The following ANKRD52 variants were observed in gnomAD, a reference collection of about 807,000 sequenced individuals.
ANKRD52 encodes serine/threonine-protein phosphatase 6 regulatory ankyrin repeat subunit C.
Under a neutral mutation model 116.0 loss-of-function variants are expected in ANKRD52, and 7 were observed. That is an observed-to-expected ratio of 0.06 (90% CI 0.03 to 0.11). The LOEUF is 0.11. Among genes scored for constraint, ANKRD52 ranks in the 10% least tolerant of loss-of-function variants. The pLI is 1.00. For synonymous variants in ANKRD52, 528 were observed against 578.1 expected (o/e 0.91, Z 1.24); for missense variants, 839 against 1,408.6 (o/e 0.60, Z 6.47).
In ANKRD52 at chr12:56,252,185, T is replaced by C. The variant is rs1354366889; in HGVS notation, c.1501A>G (p.Thr501Ala). The C allele has an allele frequency of 3.1e-6, 5 of 1,613,944 alleles. No individual in the cohort carries two copies. The South Asian group carries it at 3.3e-5, about 11-fold the overall frequency. Residue 501 changes from threonine to alanine, a missense_variant, in exon 14 of 28, where the codon ACT (threonine) becomes GCT (alanine). Coordinates refer to ENST00000267116, the MANE Select transcript of ANKRD52 (RefSeq NM_173595.4). This position sits in a 1 kb window ranked among gnomAD's most constrained non-coding sequence, Gnocchi z 4.7. ...GACTGGTAGCCTCACCTCCTGTAAG[T>C]GTCAGAAGCGGCAGCGTAGTGGAGG... ...SPLHYAAASDTYRRAEPHTPS... is the reference protein window; with the variant it reads ...SPLHYAAASDAYRRAEPHTPS...
At position 56,253,453 on chromosome 12, in the gene ANKRD52, C is replaced by A; in HGVS notation, c.986-51G>T. ...CTCAGGCAGACCTCAGGCTTAAGAC[C>A]ACTTTCGCGAGCTAGCCATGATTTG... On this transcript the variant is annotated intron_variant, in intron 9 of 27. Transcript: ENST00000267116. The surrounding 1 kb of genome is among the most constrained non-coding windows in gnomAD (Gnocchi z 5.5). The A allele has an allele frequency of 7.0e-7, 1 of 1,428,222 alleles. No individual in the cohort carries two copies. The allele number at this position is 1,428,222 out of a possible 1,614,324, so 88.5% of individuals were successfully genotyped here. A position where few individuals can be genotyped will look rare whatever the true frequency, so the allele number is the denominator to read the frequency against.
chr12:56,248,173 TCACCAGCGTCTC>T lies in ANKRD52; in HGVS notation c.1816_1827del (p.Glu606_Val609del). 6.2e-7 allele frequency: 1 copy of T among 1,613,964 alleles called. No homozygotes were observed. On this transcript the variant is annotated inframe_deletion, in exon 18 of 28. Transcript: ENST00000267116. The surrounding 1 kb of genome is among the most constrained non-coding windows in gnomAD (Gnocchi z 5.1). ...CCCTTGTGGTCCCTTACGTCCAGATTCACCAGCGTCTCCGCCAGCGTCTTCAAGGCTTCACAG... is the reference window on the plus strand; with the variant it reads ...CCCTTGTGGTCCCTTACGTCCAGATTCGCCAGCGTCTTCAAGGCTTCACAG...
chr12:56,247,205 G>T lies in ANKRD52; in HGVS notation c.2184+288C>A, dbSNP rs1373941399. 2.6e-5 allele frequency among the ~76,000 whole-genome samples: 4 copies of T among 151,388 alleles called. No homozygotes were observed. In the South Asian group the frequency reaches 6.2e-4, roughly 24 times the overall value. ...TACAAAAAATACAAAAATTAGCTGG[G>T]CATGATGGCATGTGCCTACAGTTTC... is the stretch of plus-strand genomic sequence containing the variant. On this transcript the variant is annotated intron_variant, in intron 20 of 27. Transcript: ENST00000267116.
rs758974930 is a variant in ANKRD52 at position 56,243,881 on chromosome 12, G to A, written c.2889-5C>T. The A allele has an allele frequency of 2.6e-5, 40 of 1,566,800 alleles. No individual in the cohort carries two copies. The East Asian group carries it at 5.0e-4, about 20-fold the overall frequency. On this transcript the variant is annotated splice_polypyrimidine_tract_variant and splice_region_variant and intron_variant, in intron 26 of 27. Transcript: ENST00000267116. This position sits in a 1 kb window ranked among gnomAD's most constrained non-coding sequence, Gnocchi z 4.6. ...CGGGCAGCAATGTGGAGTGGCCTTG[G>A]AAAAAAGGAAAAAGAAGGAGCTTGA...
At position 56,242,212 on chromosome 12, in the gene ANKRD52, AG is replaced by A. The variant is rs1331065068; in HGVS notation, c.*929del. ...ATGCCTGAAACACAGTGGACATACT[AG>A]GGCTGTGGTTTTGAAATGGGCAGGA... On this transcript the variant is annotated 3_prime_UTR_variant, in exon 28 of 28. Transcript: ENST00000267116. The surrounding 1 kb of genome is among the most constrained non-coding windows in gnomAD (Gnocchi z 4.3). 1 of 398,464 alleles carries A rather than the reference AG, an allele frequency of 2.5e-6. No individual in the cohort carries two copies. The highest frequency in any genetic ancestry group is 3.6e-5 in the East Asian group (1 of 28,088). The allele number at this position is 398,464 out of a possible 1,614,324, so 24.7% of individuals were successfully genotyped here. A position where few individuals can be genotyped will look rare whatever the true frequency, so the allele number is the denominator to read the frequency against.
chr12:56,247,987 G>A (rs768128749), intron 18 of ANKRD52, 36 bp downstream of exon 18: 10 of 1,551,204 alleles, frequency 6.4e-6, no homozygotes, highest in Non-Finnish European at 6.1e-6. Context: ...ATCTGGCATG[G>A]CAAGGGTAGG....
At chr12:56,250,734 T>TAA (rs60547094) in intron 15 of ANKRD52, among the ~76,000 whole-genome samples, 6 of 120,042 alleles carry the variant, frequency 5.0e-5, no homozygotes, top group Non-Finnish European at 7.1e-5. Context: ...ATAAATTAAT[T>TAA]AAAAAAAAAA....
chr12:56,252,950 G>A lies in ANKRD52; in HGVS notation c.1184-53C>T, dbSNP rs1380823202. On this transcript the variant is annotated intron_variant, in intron 11 of 27. Coordinates refer to ENST00000267116, the MANE Select transcript of ANKRD52 (RefSeq NM_173595.4). The surrounding 1 kb of genome is among the most constrained non-coding windows in gnomAD (Gnocchi z 4.7). ...CATCTGAGAGTGTTCAGCAGGGAGG[G>A]AAAGGCCTTTGCTCTCCTATACACC... The A allele has an allele frequency of 6.3e-7, 1 of 1,597,722 alleles. No individual in the cohort carries two copies. Among genetic ancestry groups the A allele is most frequent in the East Asian group, 2.3e-5 (1 of 44,220 alleles).
At position 56,244,840 on chromosome 12, in the gene ANKRD52, T is replaced by C. The variant is rs937668075; in HGVS notation, c.2577-43A>G. The C allele has an allele frequency of 2.3e-5, 37 of 1,613,620 alleles. No individual in the cohort carries two copies. Among genetic ancestry groups the C allele is most frequent in the Non-Finnish European group, 2.6e-5 (31 of 1,179,790 alleles). On this transcript the variant is annotated intron_variant, in intron 23 of 27. Transcript: ENST00000267116. The surrounding 1 kb of genome is among the most constrained non-coding windows in gnomAD (Gnocchi z 4.9). ...GGGTAGATTAAAATAGGGAAGAGTA[T>C]ACTGCCCAAGCAGAAAGGGGAAGCC... is the stretch of plus-strand genomic sequence containing the variant.
At chr12:56,250,662 T>C (rs901606491) in intron 15 of ANKRD52, among the ~76,000 whole-genome samples, 2 of 150,668 alleles carry the variant, frequency 1.3e-5, no homozygotes, top group African/African-American at 2.4e-5. Flanking sequence ...GGCAGGAGGA[T>C]TGCTTGAGCC....
In ANKRD52 at chr12:56,255,476, CG is replaced by C. The variant is rs1442358333; in HGVS notation, c.462+307del. 1.3e-5 allele frequency among the ~76,000 whole-genome samples: 2 copies of C among 152,208 alleles called. No individual in the cohort carries two copies. The highest frequency in any genetic ancestry group is 4.8e-5 in the African/African-American group (2 of 41,440). On this transcript the variant is annotated intron_variant, in intron 5 of 27. Transcript: ENST00000267116. The surrounding 1 kb of genome is among the most constrained non-coding windows in gnomAD (Gnocchi z 4.3). ...AAGTGCTGGGATTACAGGCGTGAGC[CG>C]CCGTGCCCGGCCGGTTCTTAAACTC...
rs918026196 is a variant in ANKRD52, at chr12:56,247,705, A to G, written c.2048T>C (p.Val683Ala). Residue 683 changes from valine to alanine, a missense_variant, in exon 19 of 28, where the codon GTC (valine) becomes GCC (alanine). Val to Ala is a moderately conservative substitution (Grantham distance 64). Around this residue, in one of 2 missense-constraint regions of ANKRD52, gnomAD observed 552 missense variants for 810.6 expected, o/e 0.68. Transcript: ENST00000267116. ...DSGERADITD[V>A]MDAYGQTPLM... Reference sequence around the variant, plus strand: ...CACTCACTGTCCATAGGCATCCATGACATCTGTGATGTCAGCTCGTTCCCC... The same window carrying G: ...CACTCACTGTCCATAGGCATCCATGGCATCTGTGATGTCAGCTCGTTCCCC... 1 of 1,612,106 alleles carries G rather than the reference A, an allele frequency of 6.2e-7. No homozygotes were observed.
At chr12:56,245,212 T>C in intron 21 of ANKRD52, 22 bp from the exon 22 acceptor site, 2 of 1,611,636 alleles carry the variant, frequency 1.2e-6, no homozygotes, top group Non-Finnish European at 1.7e-6. Context: ...GAAGGAAGAG[T>C]AGTGATGGAG....
At position 56,257,897 on chromosome 12, in the gene ANKRD52, C is replaced by G; in HGVS notation, c.42G>C (p.Gln14His). Residue 14 changes from glutamine (Q) to histidine (H), a missense_variant, in exon 2 of 28, where the codon CAG (glutamine) becomes CAC (histidine). Transcript: ENST00000267116. ...LSITDQPPLV[Q>H]AIFSRDVEEV... ...CCTCCACATCTCGGCTAAAGATGGC[C>G]TGGACCAGGGGCGGCTGCAGAGAGA... 6.2e-7 allele frequency: 1 copy of G among 1,606,074 alleles called. No homozygotes were observed. The highest frequency in any genetic ancestry group is 8.5e-7 in the Non-Finnish European group (1 of 1,176,070).
chr12:56,243,010 C>T lies in ANKRD52; in HGVS notation c.*132G>A, dbSNP rs1871230475. 3 of 1,300,718 alleles carry T rather than the reference C, an allele frequency of 2.3e-6. No individual in the cohort carries two copies. Among genetic ancestry groups the T allele is most frequent in the Non-Finnish European group, 3.1e-6 (3 of 977,058 alleles). 80.6% of individuals were successfully genotyped at this position (1,300,718 alleles called of 1,614,324 possible). ...TGGCAAAGGGGTGAGCAGCTGCTCCCCAGGGCTTCCTTCCCCTCCGCCCCC... is the reference window on the plus strand; with the variant it reads ...TGGCAAAGGGGTGAGCAGCTGCTCCTCAGGGCTTCCTTCCCCTCCGCCCCC... On this transcript the variant is annotated 3_prime_UTR_variant, in exon 28 of 28. Coordinates refer to ENST00000267116, the MANE Select transcript of ANKRD52 (RefSeq NM_173595.4). The surrounding 1 kb of genome is among the most constrained non-coding windows in gnomAD (Gnocchi z 4.6).
chr12:56,245,712 T>A, intron 20 of ANKRD52, 116 bp from the exon 21 acceptor site: 4 of 588,214 alleles, frequency 6.8e-6, no homozygotes, highest in Admixed American at 4.4e-5. Flanking sequence ...CCTTGTCTTT[T>A]TTTTTTTTTT....
At chr12:56,251,604 T>C (rs1319013337) in intron 15 of ANKRD52, among the ~76,000 whole-genome samples, 1 of 152,096 alleles carries the variant, frequency 6.6e-6, no homozygotes, top group Non-Finnish European at 1.5e-5. Context: ...AAATATTTAA[T>C]TAATGCTTGT....
At position 56,247,627 on chromosome 12, in the gene ANKRD52, G is replaced by A. The variant is rs1392717506; in HGVS notation, c.2067-17C>T. ...AGTGGGGTCCTACAGAAGGGCAGGA[G>A]GAGGAGTGAGGATCCCGCAAGGACT... is the stretch of plus-strand genomic sequence containing the variant. On this transcript the variant is annotated splice_polypyrimidine_tract_variant and intron_variant, in intron 19 of 27. Transcript: ENST00000267116. 9 of 1,589,280 alleles carry A rather than the reference G, an allele frequency of 5.7e-6. No individual in the cohort carries two copies. The East Asian group carries it at 1.1e-4, about 20-fold the overall frequency.
Position 56,254,827 on chromosome 12 carries a change from AT to A in ANKRD52, c.550+37del. The A allele has an allele frequency of 6.2e-7, 1 of 1,606,834 alleles. No individual in the cohort carries two copies. The highest frequency in any genetic ancestry group is 8.5e-7 in the Non-Finnish European group (1 of 1,173,680). ...CACATCCCTGCCCTAGGAATCCTAA[AT>A]GTCAAATTTCTGATTTTCCCGTGTA... On this transcript the variant is annotated intron_variant, in intron 6 of 27. Transcript: ENST00000267116. This position sits in a 1 kb window ranked among gnomAD's most constrained non-coding sequence, Gnocchi z 4.6.
Sources: gnomAD v4.1 joint callset for allele counts (sites outside exome capture counted in the v4.1 genomes callset) on GRCh38, gnomAD v4.1.1 for gene constraint, gnomAD v4.1.1 regional missense constraint, Gnocchi (gnomAD v3.1) non-coding constraint, MANE v1.5 for transcripts, NCBI Gene and HGNC (gene_info 2026-07-23, HGNC 2026-07-21) for gene names.